The following RAD51B variants were observed in gnomAD, a reference collection of about 807,000 sequenced individuals.
RAD51B encodes DNA repair protein RAD51 homolog 2.
In RAD51B, 38 loss-of-function variants were observed where a neutral mutation model predicts 42.2. The ratio of observed to expected loss-of-function variants is 0.90; its 90% CI spans 0.70 to 1.18. The LOEUF (loss-of-function observed/expected upper bound fraction) is 1.18, where lower values mean the gene tolerates loss of function less well. RAD51B is among the 50% of genes most tolerant of loss of function. The pLI is 0.00. For missense variants in RAD51B, 373 were observed against 400.7 expected, an observed-to-expected ratio of 0.93 and a Z score of 0.59; for synonymous variants, 154 against 145.2, an observed-to-expected ratio of 1.06 and a Z score of -0.43.
At chr14:68,325,346 G>C (rs1051006905) in intron 8 of RAD51B, among the ~76,000 whole-genome samples, 2 of 152,116 alleles carry the variant, frequency 1.3e-5, no homozygotes, top group African/African-American at 4.8e-5. Context: ...CAGAAGTTGG[G>C]GGTTTGGATA....
At chr14:68,451,884 A>G (rs2085564840) in intron 9 of RAD51B, among the ~76,000 whole-genome samples, 2 of 152,208 alleles carry the variant, frequency 1.3e-5, no homozygotes, top group Non-Finnish European at 2.9e-5. Context: ...CTGTGAGACT[A>G]AAGAAAGTCC....
At chr14:68,604,501 T>C (rs1433624040) in intron 10 of RAD51B, among the ~76,000 whole-genome samples, 3 of 152,176 alleles carry the variant, frequency 2.0e-5, no homozygotes, top group Non-Finnish European at 2.9e-5. Flanking sequence ...AGCCCTCCAG[T>C]AAAGTGTGCT....
chr14:68,369,597 C>T (rs2083210349), intron 8 of RAD51B, among the ~76,000 whole-genome samples: 2 of 152,206 alleles, frequency 1.3e-5, no homozygotes, highest in Admixed American at 1.3e-4. Flanking sequence ...TGACATTTCT[C>T]TTTCACAAAC....
chr14:68,266,857 AAC>A (rs778137108), intron 7 of RAD51B, among the ~76,000 whole-genome samples: 10 of 152,216 alleles, frequency 6.6e-5, no homozygotes, highest in Non-Finnish European at 1.3e-4. Context: ...TAAATATGAA[AAC>A]ACTTTGTAAA....
intron 7 of RAD51B, among the ~76,000 whole-genome samples, chr14:68,119,630 C>G (rs2140624283): frequency 6.7e-6 from 1 of 149,568 alleles, no homozygotes; most frequent in African/African-American, 2.5e-5. Flanking sequence ...CATCCATGTC[C>G]CTACAAAGGA....
At chr14:68,656,017 A>C (rs1892808166) in intron 11 of RAD51B, among the ~76,000 whole-genome samples, 1 of 152,180 alleles carries the variant, frequency 6.6e-6, no homozygotes, top group South Asian at 2.1e-4. Context: ...ATATCTGCTG[A>C]GGGCCTTCTA....
intron 8 of RAD51B, among the ~76,000 whole-genome samples, chr14:68,357,139 T>C (rs1008696244): frequency 6.6e-6 from 1 of 152,244 alleles, no homozygotes; most frequent in East Asian, 1.9e-4. Context: ...ACCCTGCCAC[T>C]GCTTTGTCAA....
intron 7 of RAD51B, among the ~76,000 whole-genome samples, chr14:67,940,031 TATATATATATATATATATA>T (rs2045111131): frequency 1.3e-4 from 1 of 7,990 alleles, no homozygotes; most frequent in Non-Finnish European, 4.3e-4. Flanking sequence ...TGCATATATA[TATATATATATATATATATA>T]TATATTTTTT....
intron 7 of RAD51B, among the ~76,000 whole-genome samples, chr14:68,216,398 G>A (rs752209997): frequency 6.0e-4 from 91 of 152,202 alleles, no homozygotes; most frequent in Non-Finnish European, 1.1e-3. Flanking sequence ...CCTCATGACA[G>A]CCCTAGGAGA....
intron 10 of RAD51B, among the ~76,000 whole-genome samples, chr14:68,632,522 C>T (rs1892251515): frequency 6.6e-6 from 1 of 152,168 alleles, no homozygotes; most frequent in Non-Finnish European, 1.5e-5. Flanking sequence ...GGGATGGAGG[C>T]CGGGAGCTCC....
At chr14:67,978,907 A>G (rs1460949486) in intron 7 of RAD51B, among the ~76,000 whole-genome samples, 3 of 152,248 alleles carry the variant, frequency 2.0e-5, no homozygotes, top group Admixed American at 2.0e-4. Context: ...AACTTTTGCC[A>G]CATGAAACTG....
At chr14:68,138,261 CA>C (rs2078051878) in intron 7 of RAD51B, among the ~76,000 whole-genome samples, 1 of 152,078 alleles carries the variant, frequency 6.6e-6, no homozygotes. Context: ...AAATAAAAGA[CA>C]TTTGGCAGTT....
intron 7 of RAD51B, among the ~76,000 whole-genome samples, chr14:68,121,461 A>T (rs1368881620): frequency 6.6e-6 from 1 of 152,166 alleles, no homozygotes; most frequent in African/African-American, 2.4e-5. Flanking sequence ...TCTTCTAGTC[A>T]AGTGATCTAA....
intron 5 of RAD51B, among the ~76,000 whole-genome samples, chr14:67,878,902 C>G (rs779354533): frequency 6.6e-6 from 1 of 152,040 alleles, no homozygotes. Flanking sequence ...AAATTAAAGA[C>G]GGGGTTTCGC....
intron 7 of RAD51B, among the ~76,000 whole-genome samples, chr14:67,970,214 A>G (rs904408473): frequency 6.6e-6 from 1 of 152,160 alleles, no homozygotes. Context: ...CTGCTCAGTA[A>G]AGATTCTACA....
intron 8 of RAD51B, among the ~76,000 whole-genome samples, chr14:68,373,075 A>T (rs533374948): frequency 1.3e-5 from 2 of 152,250 alleles, no homozygotes; most frequent in Non-Finnish European, 2.9e-5. Context: ...AGACATGCCA[A>T]GCTTTTCTAT....
intron 8 of RAD51B, among the ~76,000 whole-genome samples, chr14:68,347,633 C>T (rs868740386): frequency 6.6e-6 from 1 of 152,206 alleles, no homozygotes; most frequent in African/African-American, 2.4e-5. Flanking sequence ...GATTGTGCCA[C>T]TGCACGCCAG....
intron 8 of RAD51B, among the ~76,000 whole-genome samples, chr14:68,406,558 T>C (rs952897008): frequency 7.2e-5 from 11 of 152,110 alleles, no homozygotes; most frequent in Admixed American, 1.3e-4. Flanking sequence ...CGTTGGTGAG[T>C]GCACCTACTG....
At chr14:68,164,495 A>G (rs923993650) in intron 7 of RAD51B, among the ~76,000 whole-genome samples, 1 of 152,202 alleles carries the variant, frequency 6.6e-6, no homozygotes, top group Admixed American at 6.5e-5. Flanking sequence ...GCAAAATGTT[A>G]TTGTTAAGTT....
Sources: allele counts gnomAD v4.1 joint callset (sites outside exome capture counted in the v4.1 genomes callset), GRCh38; gene constraint gnomAD v4.1.1; transcripts MANE v1.5; gene names NCBI Gene and HGNC (gene_info 2026-07-23, HGNC 2026-07-21).